S100PBP: variants seen among roughly 807,000 people sequenced by gnomAD.
S100PBP encodes S100P-binding protein.
S100PBP carries 15 observed loss-of-function variants against 39.9 expected under a neutral mutation model. The ratio of observed to expected loss-of-function variants is 0.38; its 90% CI spans 0.25 to 0.58. The LOEUF (loss-of-function observed/expected upper bound fraction) is 0.58. S100PBP is among the 20% of genes least tolerant of loss of function. The pLI is 0.70. For missense variants in S100PBP, 504 were observed against 487.3 expected (o/e 1.03, Z -0.32); for synonymous variants, 178 against 180.3 (o/e 0.99, Z 0.10).
rs747761240 is a variant in S100PBP at position 32,853,149 on chromosome 1, T to G, written c.1095T>G (p.Pro365=). The change falls in exon 6 of 7, where the codon CCT becomes CCG. Residue 365 remains proline (P), a synonymous_variant. Transcript: ENST00000373475. Reference sequence around the variant, plus strand: ...TGCAGCACTCAAAATGGCAGCATCCTTCGGACCTCACCACGCGGTGAGTGG... The same window carrying G: ...TGCAGCACTCAAAATGGCAGCATCCGTCGGACCTCACCACGCGGTGAGTGG... The part of the protein sequence containing the change: ...HHMQHSKWQH[P]SDLTTRNYAR... 4 of 1,611,830 alleles carry G rather than the reference T, an allele frequency of 2.5e-6. No individual in the cohort carries two copies. Among genetic ancestry groups the G allele is most frequent in the Non-Finnish European group, 3.4e-6 (4 of 1,179,288 alleles).
At chr1:32,839,939 G>A (rs531010152) in intron 5 of S100PBP, among the ~76,000 whole-genome samples, 2 of 152,066 alleles carry the variant, frequency 1.3e-5, no homozygotes, top group East Asian at 3.9e-4. Context: ...TGAGCCTCCC[G>A]AGTAGCTGGG....
At chr1:32,822,575 C>T (rs918672598) in intron 1 of S100PBP, among the ~76,000 whole-genome samples, 4 of 147,136 alleles carry the variant, frequency 2.7e-5, no homozygotes, top group East Asian at 2.0e-4. Context: ...GAGCCGAGAT[C>T]GCGCCACTGC....
At position 32,829,969 on chromosome 1, in the gene S100PBP, A is replaced by T; in HGVS notation, c.926A>T (p.Asn309Ile). 6.2e-7 allele frequency: 1 copy of T among 1,612,840 alleles called. No homozygotes were observed. Among genetic ancestry groups the T allele is most frequent in the South Asian group, 1.1e-5 (1 of 91,040 alleles). ...TCTGGTTTGCTTTATTCAAGGACTAATGTTCCGACGTTTTCACAGTCAAAT... is the reference window on the plus strand; with the variant it reads ...TCTGGTTTGCTTTATTCAAGGACTATTGTTCCGACGTTTTCACAGTCAAAT... ...IPVLQTKTRTNVPTFSQSNLE... is the reference protein window; with the variant it reads ...IPVLQTKTRTIVPTFSQSNLE... The change falls in exon 5 of 7, where the codon AAT becomes ATT. Residue 309 changes from asparagine to isoleucine, a missense_variant. Asn to Ile is a moderately radical substitution (Grantham distance 149, BLOSUM62 -3). Coordinates refer to ENST00000373475, the MANE Select transcript of S100PBP (RefSeq NM_022753.4).
chr1:32,828,884 C>G (rs938271473), intron 4 of S100PBP, among the ~76,000 whole-genome samples: 2 of 152,088 alleles, frequency 1.3e-5, no homozygotes, highest in African/African-American at 4.8e-5. Flanking sequence ...CACCTGTGGT[C>G]CCAGCTACGA....
intron 4 of S100PBP, among the ~76,000 whole-genome samples, chr1:32,829,636 A>T (rs898617116): frequency 1.3e-4 from 19 of 151,980 alleles, no homozygotes; most frequent in South Asian, 4.2e-4. Context: ...CTAATTTTTT[A>T]AAAAAATTTC....
At chr1:32,817,384 C>T, upstream of S100PBP, 1 of 1,063,374 alleles carries the variant, frequency 9.4e-7, no homozygotes, top group Non-Finnish European at 1.4e-6. Flanking sequence ...CTTACTCGGC[C>T]TGGACCCCTC....
intron 1 of S100PBP, among the ~76,000 whole-genome samples, chr1:32,819,229 TAAG>T (rs1638925301): frequency 1.3e-5 from 2 of 152,094 alleles, no homozygotes; most frequent in South Asian, 4.1e-4. Context: ...GTAGAGGAAC[TAAG>T]AAATAGAATT....
chr1:32,826,828 C>A lies in S100PBP; in HGVS notation c.729C>A (p.Asp243Glu), dbSNP rs1481295242. The A allele has an allele frequency of 6.2e-7, 1 of 1,613,840 alleles. No individual in the cohort carries two copies. The highest frequency in any genetic ancestry group is 1.7e-5 in the Admixed American group (1 of 60,014). Residue 243 changes from aspartate (D) to glutamate (E), a missense_variant, in exon 3 of 7, where the codon GAC (aspartate) becomes GAA (glutamate). Transcript: ENST00000373475. ...NPTSVFSRIS[D>E]HSETPNMELS... is the part of the protein sequence containing the mutation. ...CGTCTGTATTCTCTCGGATCTCAGA[C>A]CATTCAGAGACTCCTAATATGGAGT...
intron 5 of S100PBP, among the ~76,000 whole-genome samples, chr1:32,833,573 G>T (rs1639693266): frequency 6.6e-6 from 1 of 151,810 alleles, no homozygotes; most frequent in South Asian, 2.1e-4. Context: ...TTTTGGCCAG[G>T]CTGGTCTCGA....
At chr1:32,828,554 G>A (rs1639443587) in intron 4 of S100PBP, among the ~76,000 whole-genome samples, 1 of 151,886 alleles carries the variant, frequency 6.6e-6, no homozygotes, top group East Asian at 1.9e-4. Context: ...TTATTCTCTG[G>A]TTGCCAGGAG....
intron 5 of S100PBP, among the ~76,000 whole-genome samples, chr1:32,845,683 C>CA (rs1404067064): frequency 4.3e-5 from 6 of 140,758 alleles, no homozygotes; most frequent in African/African-American, 7.8e-5. Flanking sequence ...TTTTCATTTT[C>CA]TTTTTTTTTT....
In S100PBP at chr1:32,826,306, T is replaced by C. The variant is rs757580570; in HGVS notation, c.207T>C (p.Tyr69=). ...TGTTGAAGGAAGATGACCCATCATA[T>C]GAGCAGTCTTCTGGGGAAGATGATG... ...DALLKEDDPS[Y]EQSSGEDDGG... The change falls in exon 3 of 7, where the codon TAT becomes TAC. Residue 69 remains tyrosine (Y), a synonymous_variant. Coordinates refer to ENST00000373475, the MANE Select transcript of S100PBP (RefSeq NM_022753.4). 1.9e-6 allele frequency: 3 copies of C among 1,614,118 alleles called. No individual in the cohort carries two copies. In the Admixed American group the frequency reaches 5.0e-5, roughly 27 times the overall value.
Position 32,847,992 on chromosome 1 carries a change from C to T in S100PBP, c.1025-5087C>T, listed in dbSNP as rs28668211. 7.7e-3 allele frequency among the ~76,000 whole-genome samples: 1,164 copies of T among 152,078 alleles called. 14 individuals are homozygous for T. The highest frequency in any genetic ancestry group is 0.026 in the African/African-American group (1,081 of 41,462). ...GTAGTGAAAAGAATTAACCGTAGAG[C>T]CGAACTACACGCTCCGTCAGAAATG... is the stretch of plus-strand genomic sequence containing the variant. On this transcript the variant is annotated intron_variant, in intron 5 of 6. Coordinates refer to ENST00000373475, the MANE Select transcript of S100PBP (RefSeq NM_022753.4).
chr1:32,834,106 G>C (rs1187297251), intron 5 of S100PBP: 1 of 226,060 alleles, frequency 4.4e-6, no homozygotes, highest in Non-Finnish European at 1.0e-5. Flanking sequence ...GTTACCAGAT[G>C]GTCCTGCCCC....
intron 5 of S100PBP, among the ~76,000 whole-genome samples, chr1:32,850,745 G>C (rs1008615960): frequency 6.6e-6 from 1 of 152,070 alleles, no homozygotes; most frequent in Admixed American, 6.6e-5. Context: ...TCATTTGGTC[G>C]TGCTTTTTTA....
chr1:32,856,110 G>T lies in S100PBP; in HGVS notation c.*72G>T. 1.1e-6 allele frequency: 1 copy of T among 932,876 alleles called. No individual in the cohort carries two copies. The highest frequency in any genetic ancestry group is 1.6e-5 in the South Asian group (1 of 62,680). 57.8% of individuals were successfully genotyped at this position (932,876 alleles called of 1,614,324 possible). A position where few individuals can be genotyped will look rare whatever the true frequency, so the allele number is the denominator to read the frequency against. ...TTGGAGCAGCATTTCATGTTCTTTT[G>T]CTGTTTTGTGCTTTGCCGATTTTGG... On this transcript the variant is annotated 3_prime_UTR_variant, in exon 7 of 7. Coordinates refer to ENST00000373475, the MANE Select transcript of S100PBP (RefSeq NM_022753.4).
At chr1:32,818,928 T>TCAAGA (rs1638905356) in intron 1 of S100PBP, 1 of 152,292 alleles carries the variant, frequency 6.6e-6, no homozygotes, top group Non-Finnish European at 1.5e-5. Flanking sequence ...TCTCTGCTCT[T>TCAAGA]GGCTGTACCT....
intron 5 of S100PBP, among the ~76,000 whole-genome samples, chr1:32,845,058 G>A (rs1044113630): frequency 3.1e-5 from 4 of 130,494 alleles, no homozygotes; most frequent in Non-Finnish European, 6.6e-5. Context: ...GTGGAGTCTC[G>A]CTGTTGCCCA....
At position 32,857,003 on chromosome 1, in the gene S100PBP, G is replaced by C. The variant is rs1326780692; in HGVS notation, c.*965G>C. 2 of 152,098 alleles carry C rather than the reference G, an allele frequency of 1.3e-5. No homozygotes were observed. Among genetic ancestry groups the C allele is most frequent in the Non-Finnish European group, 2.9e-5 (2 of 67,990 alleles). 9.4% of individuals were successfully genotyped at this position (152,098 alleles called of 1,614,324 possible). ...GCAGGCTAGTGCTATTGTGGTGTCA[G>C]TTGATATTTAGTTTCATTTGCTGAA... On this transcript the variant is annotated 3_prime_UTR_variant, in exon 7 of 7. Transcript: ENST00000373475.
Sources: gnomAD v4.1 joint callset for allele counts (sites outside exome capture counted in the v4.1 genomes callset) on GRCh38, gnomAD v4.1.1 for gene constraint, MANE v1.5 for transcripts, NCBI Gene and HGNC (gene_info 2026-07-23, HGNC 2026-07-21) for gene names.